The following ASAH2 variants were observed in gnomAD, a reference collection of about 807,000 sequenced individuals.
ASAH2 encodes the protein neutral ceramidase.
A neutral mutation model predicts 82.9 loss-of-function variants in ASAH2; 58 were observed. That is an observed-to-expected ratio of 0.70 (90% confidence interval 0.57 to 0.87). The LOEUF is 0.87. ASAH2 is among the 40% of genes least tolerant of loss of function. The pLI, the probability that ASAH2 is intolerant of heterozygous loss-of-function variation, is 0.00. For missense variants in ASAH2, 779 were observed against 834.0 expected, an observed-to-expected ratio of 0.93 and a Z score of 0.81; for synonymous variants, 276 against 289.7, an observed-to-expected ratio of 0.95 and a Z score of 0.48.
chr10:50,209,264 C>T (rs1845389586), intron 12 of ASAH2, among the ~76,000 whole-genome samples: 1 of 151,936 alleles, frequency 6.6e-6, no homozygotes, highest in Non-Finnish European at 1.5e-5. Context: ...CCATGAGTAA[C>T]AAAAGAAAAT....
chr10:50,198,316 T>C (rs1845045276), intron 17 of ASAH2: 1 of 152,068 alleles, frequency 6.6e-6, no homozygotes, highest in Non-Finnish European at 1.5e-5. Context: ...GACATCACAG[T>C]TGCAGCTTCA....
intron 2 of ASAH2, 80 bp downstream of exon 2, chr10:50,248,404 T>TG: frequency 2.0e-6 from 3 of 1,531,092 alleles, no homozygotes; most frequent in Non-Finnish European, 2.7e-6. Flanking sequence ...CAGACACTGT[T>TG]TTTCTCTTTG....
rs2133202314 is a variant in ASAH2 at position 50,204,965 on chromosome 10, C to A, written c.1531-10G>T. The A allele has an allele frequency of 6.3e-7, 1 of 1,585,346 alleles. No homozygotes were observed. Among genetic ancestry groups the A allele is most frequent in the East Asian group, 2.2e-5 (1 of 44,648 alleles). On this transcript the variant is annotated splice_polypyrimidine_tract_variant and intron_variant, in intron 13 of 20. Transcript: ENST00000682911. ...GGTGAGGTTTTGATAGCTGAGAACC[C>A]AAAACAAGAAAATTATGTTAGGGAT...
In ASAH2 at chr10:50,204,880, C is replaced by T; in HGVS notation, c.1606G>A (p.Ala536Thr). 1.9e-6 allele frequency: 3 copies of T among 1,610,976 alleles called. No homozygotes were observed. The highest frequency in any genetic ancestry group is 4.5e-5 in the East Asian group (2 of 44,818). ...IITLGSLAITAIPGEFTTMSG... is the reference protein window; with the variant it reads ...IITLGSLAITTIPGEFTTMSG... The stretch of plus-strand genomic sequence containing the variant: ...ACTTACGTAAACTCCCCGGGGATGG[C>T]AGTTATGGCCAAGGACCCAAGGGTA... The change falls in exon 14 of 21, where the codon GCC (alanine) becomes ACC (threonine). Residue 536 changes from alanine (A) to threonine (T), a missense_variant. Coordinates refer to ENST00000682911, the MANE Select transcript of ASAH2 (RefSeq NM_019893.4).
At chr10:50,195,692 C>T (rs1193445806) in intron 18 of ASAH2, among the ~76,000 whole-genome samples, 24 of 151,764 alleles carry the variant, frequency 1.6e-4, no homozygotes, top group Non-Finnish European at 3.1e-4. Context: ...TACATATACA[C>T]AATGGAATAC....
At chr10:50,228,178 G>T (rs1026626128) in intron 7 of ASAH2, among the ~76,000 whole-genome samples, 3 of 151,972 alleles carry the variant, frequency 2.0e-5, no homozygotes, top group African/African-American at 7.3e-5. Context: ...TTAAATAAAA[G>T]CAATAAATAA....
chr10:50,202,598 T>C (rs1845181220), intron 16 of ASAH2, among the ~76,000 whole-genome samples: 1 of 152,056 alleles, frequency 6.6e-6, no homozygotes, highest in Non-Finnish European at 1.5e-5. Context: ...AAATAATTAA[T>C]TTCAGGGAAA....
intron 7 of ASAH2, among the ~76,000 whole-genome samples, chr10:50,223,957 C>A (rs1845813541): frequency 6.6e-6 from 1 of 152,282 alleles, no homozygotes; most frequent in South Asian, 2.1e-4. Context: ...AAGGAACCAA[C>A]CCTGCTAATG....
intron 7 of ASAH2, 141 bp from the exon 8 acceptor site, chr10:50,218,771 G>C: frequency 1.1e-6 from 1 of 928,188 alleles, no homozygotes; most frequent in Non-Finnish European, 1.7e-6. Context: ...TTCTTTCATT[G>C]TTCATGGGCT....
intron 4 of ASAH2, among the ~76,000 whole-genome samples, chr10:50,236,705 A>G (rs1292641521): frequency 6.6e-6 from 1 of 152,158 alleles, no homozygotes; most frequent in East Asian, 1.9e-4. Context: ...CTTTATTACA[A>G]TTTCAAGAGC....
intron 9 of ASAH2, among the ~76,000 whole-genome samples, chr10:50,213,673 C>T (rs1178315692): frequency 6.6e-6 from 1 of 151,978 alleles, no homozygotes; most frequent in East Asian, 1.9e-4. Context: ...CTTAGTTAAA[C>T]TGGACAGGTA....
intron 8 of ASAH2, among the ~76,000 whole-genome samples, chr10:50,216,037 C>T (rs950922654): frequency 1.3e-5 from 2 of 151,914 alleles, no homozygotes; most frequent in South Asian, 4.2e-4. Context: ...TGGAAACCAT[C>T]ATTCTCAGCA....
chr10:50,230,549 A>G (rs1800663087), intron 7 of ASAH2, among the ~76,000 whole-genome samples: 1 of 152,190 alleles, frequency 6.6e-6, no homozygotes, highest in Non-Finnish European at 1.5e-5. Flanking sequence ...GAGCAATTAC[A>G]TCAAAGATAA....
At chr10:50,230,463 C>T (rs996175861) in intron 7 of ASAH2, among the ~76,000 whole-genome samples, 1 of 152,058 alleles carries the variant, frequency 6.6e-6, no homozygotes, top group African/African-American at 2.4e-5. Flanking sequence ...TAGCAGCCCA[C>T]ATTTGACTTT....
chr10:50,248,500 G>T lies in ASAH2; in HGVS notation c.111C>A (p.Thr37=). 1 of 1,613,714 alleles carries T rather than the reference G, an allele frequency of 6.2e-7. No homozygotes were observed. Among genetic ancestry groups the T allele is most frequent in the Non-Finnish European group, 8.5e-7 (1 of 1,179,726 alleles). ...LLSLLFITSG[T]IENHKDLGGH... is the part of the protein sequence containing the mutation. ...GACACTTGCCTTTGTGGTTTTCAAT[G>T]GTCCCACTGGTGATAAACAAGAGGC... Residue 37 remains threonine, a synonymous_variant, in exon 2 of 21, where the codon ACC becomes ACA. Coordinates refer to ENST00000682911, the MANE Select transcript of ASAH2 (RefSeq NM_019893.4).
intron 7 of ASAH2, among the ~76,000 whole-genome samples, chr10:50,221,501 A>G (rs1032749762): frequency 7.4e-4 from 113 of 152,276 alleles, no homozygotes; most frequent in African/African-American, 2.6e-3. Context: ...TCTCACAGGG[A>G]ACCCTTTGAG....
chr10:50,248,035 C>T (rs1435684183), intron 2 of ASAH2, among the ~76,000 whole-genome samples: 4 of 152,152 alleles, frequency 2.6e-5, no homozygotes, highest in African/African-American at 9.7e-5. Context: ...TTGATTAGCC[C>T]TTGTAAGGAT....
chr10:50,217,488 A>G (rs1845636281), intron 8 of ASAH2, among the ~76,000 whole-genome samples: 1 of 152,010 alleles, frequency 6.6e-6, no homozygotes, highest in African/African-American at 2.4e-5. Flanking sequence ...CGGCCTCCCA[A>G]AGTGCTGGGA....
At chr10:50,226,561 T>A (rs1177431018) in intron 7 of ASAH2, among the ~76,000 whole-genome samples, 1 of 152,136 alleles carries the variant, frequency 6.6e-6, no homozygotes, top group Non-Finnish European at 1.5e-5. Flanking sequence ...GATGTGTCAA[T>A]GTAGGTTCAT....
Sources: gnomAD v4.1 joint callset for allele counts (sites outside exome capture counted in the v4.1 genomes callset) on GRCh38, gnomAD v4.1.1 for gene constraint, MANE v1.5 for transcripts, NCBI Gene and HGNC (gene_info 2026-07-23, HGNC 2026-07-21) for gene names.